Variants in ANKIB1 observed in about 807,000 individuals in gnomAD.
ANKIB1 encodes ankyrin repeat and IBR domain containing 1, also known as ankyrin repeat and IBR domain-containing protein 1.
A neutral mutation model predicts 122.1 loss-of-function variants in ANKIB1; 43 were observed. The observed-to-expected ratio is 0.35, with a 90% confidence interval of 0.28 to 0.45. The LOEUF (loss-of-function observed/expected upper bound fraction) is 0.45, where lower values mean the gene tolerates loss of function less well. ANKIB1 is among the 20% of genes least tolerant of loss of function. The pLI, the probability that ANKIB1 is intolerant of heterozygous loss-of-function variation, is 1.00. For synonymous variants in ANKIB1, 390 were observed against 442.0 expected, an observed-to-expected ratio of 0.88 and a Z score of 1.48; for missense variants, 992 against 1,329.5, an observed-to-expected ratio of 0.75 and a Z score of 3.95.
intron 3 of ANKIB1, among the ~76,000 whole-genome samples, chr7:92,310,044 C>A (rs1422890725): frequency 2.7e-5 from 4 of 149,186 alleles, no homozygotes; most frequent in African/African-American, 9.9e-5. Flanking sequence ...AGTATGTTGA[C>A]AATGACATAC....
chr7:92,362,137 T>C (rs1562792926), intron 9 of ANKIB1, 48 bp from the exon 10 acceptor site: 1 of 1,520,880 alleles, frequency 6.6e-7, no homozygotes, highest in African/African-American at 1.4e-5. Context: ...ACCTTGATGT[T>C]GATGAAGAAT....
intron 1 of ANKIB1, among the ~76,000 whole-genome samples, chr7:92,274,415 G>A (rs1195634676): frequency 3.3e-5 from 5 of 152,094 alleles, no homozygotes; most frequent in African/African-American, 1.2e-4. Flanking sequence ...CTGTAATAAG[G>A]TATATGAGTG....
At chr7:92,269,021 A>G (rs1006016670) in intron 1 of ANKIB1, among the ~76,000 whole-genome samples, 1 of 152,222 alleles carries the variant, frequency 6.6e-6, no homozygotes, top group African/African-American at 2.4e-5. Flanking sequence ...GCAGTAGGCC[A>G]CAGTGTTTTC....
chr7:92,324,138 A>G (rs887823329), intron 4 of ANKIB1, among the ~76,000 whole-genome samples: 3 of 152,262 alleles, frequency 2.0e-5, no homozygotes, highest in African/African-American at 7.2e-5. Flanking sequence ...TAAACTAGAT[A>G]AAGGTGGTGA....
chr7:92,347,280 T>TG (rs112466383), intron 7 of ANKIB1, among the ~76,000 whole-genome samples: 63 of 152,160 alleles, frequency 4.1e-4, no homozygotes, highest in African/African-American at 9.6e-4. Context: ...TATGAGTTTT[T>TG]TTTTGTTTTG....
chr7:92,347,520 A>C (rs1294063669), intron 7 of ANKIB1, among the ~76,000 whole-genome samples: 4 of 152,144 alleles, frequency 2.6e-5, no homozygotes, highest in African/African-American at 9.7e-5. Flanking sequence ...CAGAAGGATC[A>C]CTTGAGCCCA....
chr7:92,290,333 G>A (rs972400542), intron 1 of ANKIB1, among the ~76,000 whole-genome samples: 3 of 151,276 alleles, frequency 2.0e-5, no homozygotes, highest in Non-Finnish European at 4.4e-5. Flanking sequence ...CAGTAATGCA[G>A]ATAATTGCAG....
intron 14 of ANKIB1, among the ~76,000 whole-genome samples, chr7:92,388,512 T>G (rs550295114): frequency 6.6e-6 from 1 of 152,308 alleles, no homozygotes; most frequent in African/African-American, 2.4e-5. Context: ...ATAATGAACA[T>G]TGGGGTCAAA....
At chr7:92,283,840 G>A (rs1471008500) in intron 1 of ANKIB1, among the ~76,000 whole-genome samples, 1 of 151,998 alleles carries the variant, frequency 6.6e-6, no homozygotes, top group Non-Finnish European at 1.5e-5. Flanking sequence ...GCACAATCTC[G>A]GCTCACTGCA....
At chr7:92,366,608 G>T (rs1460711906) in intron 10 of ANKIB1, among the ~76,000 whole-genome samples, 1 of 152,090 alleles carries the variant, frequency 6.6e-6, no homozygotes, top group East Asian at 1.9e-4. Flanking sequence ...CTCCTATCAT[G>T]TTTTCAAACA....
At chr7:92,283,268 A>G (rs1459349253) in intron 1 of ANKIB1, among the ~76,000 whole-genome samples, 4 of 152,166 alleles carry the variant, frequency 2.6e-5, no homozygotes, top group Admixed American at 6.6e-5. Flanking sequence ...TTAATTCTGG[A>G]ATTTATATTA....
intron 1 of ANKIB1, among the ~76,000 whole-genome samples, chr7:92,270,106 A>G (rs540749465): frequency 1.3e-5 from 2 of 152,096 alleles, no homozygotes; most frequent in African/African-American, 2.4e-5. Context: ...GTTGTCACCC[A>G]AGCTGGAGTG....
chr7:92,296,226 T>C (rs1175209531), intron 2 of ANKIB1, among the ~76,000 whole-genome samples: 7 of 135,322 alleles, frequency 5.2e-5, no homozygotes, highest in African/African-American at 2.4e-4. Flanking sequence ...TCTTACCTAA[T>C]TTTTTTTTTT....
intron 9 of ANKIB1, among the ~76,000 whole-genome samples, chr7:92,360,931 G>A (rs1449797628): frequency 6.6e-6 from 1 of 151,822 alleles, no homozygotes; most frequent in Non-Finnish European, 1.5e-5. Flanking sequence ...GTGGCATGAT[G>A]TCAGCTCACT....
chr7:92,316,102 G>T (rs1802788667), intron 3 of ANKIB1, among the ~76,000 whole-genome samples: 1 of 152,046 alleles, frequency 6.6e-6, no homozygotes, highest in Non-Finnish European at 1.5e-5. Context: ...TGATAATTTG[G>T]TTTCTTTTAA....
intron 7 of ANKIB1, chr7:92,348,039 C>G (rs1373760012): frequency 2.3e-6 from 1 of 432,852 alleles, no homozygotes; most frequent in African/African-American, 2.1e-5. Flanking sequence ...CCAGATTTCT[C>G]TCTTTTAGTG....
intron 2 of ANKIB1, among the ~76,000 whole-genome samples, chr7:92,302,604 G>A: frequency 6.6e-6 from 1 of 152,238 alleles, no homozygotes; most frequent in East Asian, 1.9e-4. Flanking sequence ...TAATTCATTA[G>A]TTGTATCTTC....
intron 9 of ANKIB1, among the ~76,000 whole-genome samples, chr7:92,354,482 A>G (rs998730505): frequency 6.6e-6 from 1 of 152,212 alleles, no homozygotes; most frequent in African/African-American, 2.4e-5. Context: ...TAGAGAACCT[A>G]ACAAAATCAT....
At chr7:92,294,775 A>G (rs1027861169) in intron 1 of ANKIB1, 114 bp from the exon 2 acceptor site, 2 of 469,712 alleles carry the variant, frequency 4.3e-6, no homozygotes, top group Non-Finnish European at 7.4e-6. Flanking sequence ...AATGTAATAT[A>G]GTTGGTTCCC....
Sources: allele counts gnomAD v4.1 joint callset (sites outside exome capture counted in the v4.1 genomes callset), GRCh38; gene constraint gnomAD v4.1.1; transcripts MANE v1.5; gene names NCBI Gene and HGNC (gene_info 2026-07-23, HGNC 2026-07-21).